JAK1: variants seen among roughly 807,000 people sequenced by gnomAD.
JAK1 encodes the protein Janus kinase 1, also known as tyrosine-protein kinase JAK1.
Under a neutral mutation model 136.6 loss-of-function variants are expected in JAK1, and 16 were observed. That is an observed-to-expected ratio of 0.12 (90% CI 0.08 to 0.18). The LOEUF is 0.18. Ranked by LOEUF, JAK1 falls within the 10% of genes least tolerant of loss-of-function variation. JAK1 has a pLI of 1.00. For missense variants in JAK1, 859 were observed against 1,450.1 expected (o/e 0.59, Z 6.62); for synonymous variants, 492 against 519.5 (o/e 0.95, Z 0.72).
At position 64,940,134 on chromosome 1, in the gene JAK1, A is replaced by G. The variant is rs182644647; in HGVS notation, c.-78+26199T>C. On this transcript the variant is annotated intron_variant, in intron 1 of 24. Transcript: ENST00000342505. Reference sequence around the variant, plus strand: ...GGCATACTGATAGCTTCAAGGAGAGAAAACCGGTAAGTTGACAGAAAAACA... The same window carrying G: ...GGCATACTGATAGCTTCAAGGAGAGGAAACCGGTAAGTTGACAGAAAAACA... Among the ~76,000 whole-genome samples, 10 of 152,264 alleles carry G rather than the reference A, an allele frequency of 6.6e-5. No homozygotes were observed. In the East Asian group the frequency reaches 1.9e-3, roughly 29 times the overall value.
intron 2 of JAK1, among the ~76,000 whole-genome samples, chr1:64,976,750 C>T (rs1646500409): frequency 6.6e-6 from 1 of 152,190 alleles, no homozygotes; most frequent in African/African-American, 2.4e-5. Flanking sequence ...TCCATCCTAA[C>T]ATGCCCCTTC....
intron 22 of JAK1, among the ~76,000 whole-genome samples, 153 bp from the exon 23 acceptor site, chr1:64,836,368 G>A (rs1489701580): frequency 1.3e-5 from 2 of 151,908 alleles, no homozygotes; most frequent in African/African-American, 2.4e-5. Context: ...CCATGTATAC[G>A]CTGCTATGGT....
At chr1:65,017,821 T>A (rs1449335496) in intron 2 of JAK1, among the ~76,000 whole-genome samples, 3 of 147,004 alleles carry the variant, frequency 2.0e-5, no homozygotes, top group Non-Finnish European at 4.5e-5. Context: ...AACTCTGCCT[T>A]TTTTTTTTTT....
chr1:64,989,663 C>T (rs1646636979), intron 2 of JAK1: 3 of 152,158 alleles, frequency 2.0e-5, no homozygotes, highest in African/African-American at 7.2e-5. Flanking sequence ...GGTAGAAGAA[C>T]AAGGCCTGAG....
At chr1:64,840,192 G>A (rs907399695) in intron 19 of JAK1, among the ~76,000 whole-genome samples, 8 of 152,200 alleles carry the variant, frequency 5.3e-5, no homozygotes, top group East Asian at 3.9e-4. Context: ...TTTAGAAGAC[G>A]TGAGATCAGG....
intron 12 of JAK1, 149 bp from the exon 13 acceptor site, chr1:64,847,824 TC>T: frequency 1.2e-6 from 1 of 834,196 alleles, no homozygotes. Context: ...TCCCCAGGCC[TC>T]CAGAGAAAAC....
chr1:64,857,605 C>G, intron 10 of JAK1, 51 bp downstream of exon 10: 5 of 1,609,418 alleles, frequency 3.1e-6, no homozygotes, highest in Non-Finnish European at 4.2e-6. Flanking sequence ...CCAGGCTACA[C>G]TGGACACCTC....
At chr1:64,944,443 T>G (rs1012593130) in intron 1 of JAK1, among the ~76,000 whole-genome samples, 6 of 152,102 alleles carry the variant, frequency 3.9e-5, no homozygotes, top group African/African-American at 7.2e-5. Flanking sequence ...AAGTTCTAAT[T>G]CCTGTATGTT....
intron 21 of JAK1, 149 bp from the exon 22 acceptor site, chr1:64,838,253 A>G (rs1204749815): frequency 2.3e-5 from 22 of 947,818 alleles, no homozygotes; most frequent in South Asian, 1.8e-5. Flanking sequence ...GAATATTAAG[A>G]ACAAACTGAT....
At chr1:64,990,717 T>C (rs539766246) in intron 2 of JAK1, 331 of 148,426 alleles carry the variant, frequency 2.2e-3, no homozygotes, top group African/African-American at 7.8e-3. Context: ...AGATCAGGAG[T>C]TCGAAATCAG....
chr1:65,066,226 C>A (rs909503787), intron 1 of JAK1, among the ~76,000 whole-genome samples: 1 of 152,148 alleles, frequency 6.6e-6, no homozygotes, highest in Non-Finnish European at 1.5e-5. Flanking sequence ...CACAGGAAGG[C>A]AGGGAGAAGC....
Position 65,052,861 on chromosome 1 carries a change from CA to C in JAK1, c.-180-8280del, listed in dbSNP as rs35560095. ...TGGGTGTCAGAGCGAGACTCCATCTCAAAAAAAAAAAAAAAAAAAATTAGCC... is the reference window on the plus strand; with the variant it reads ...TGGGTGTCAGAGCGAGACTCCATCTCAAAAAAAAAAAAAAAAAAATTAGCC... On this transcript the variant is annotated intron_variant, in intron 1 of 25. Coordinates refer to the JAK1 transcript ENST00000671954. 5.0e-3 allele frequency among the ~76,000 whole-genome samples: 446 copies of C among 88,640 alleles called. 4 individuals are homozygous for C. The highest frequency in any genetic ancestry group is 0.02 in the African/African-American group (409 of 20,068). 58.2% of individuals were successfully genotyped at this position (88,640 alleles called of 152,430 possible).
chr1:65,000,940 G>A (rs1646750766), intron 2 of JAK1, among the ~76,000 whole-genome samples: 1 of 151,698 alleles, frequency 6.6e-6, no homozygotes, highest in South Asian at 2.1e-4. Context: ...GGAGTGCGGT[G>A]GCGCCATGGA....
At chr1:64,846,513 T>C in intron 14 of JAK1, 136 bp downstream of exon 14, 1 of 653,294 alleles carries the variant, frequency 1.5e-6, no homozygotes, top group South Asian at 1.7e-5. Flanking sequence ...ACCTGCTCAG[T>C]CCCTCAATCT....
intron 2 of JAK1, among the ~76,000 whole-genome samples, chr1:64,998,967 C>T (rs1646728537): frequency 6.6e-6 from 1 of 152,226 alleles, no homozygotes. Flanking sequence ...ACAATAACTA[C>T]AGCACTTAAG....
At chr1:64,913,705 A>AAGGGAGGAAAGAAGGGAGGG (rs1553168171) in intron 1 of JAK1, among the ~76,000 whole-genome samples, 9 of 35,718 alleles carry the variant, frequency 2.5e-4, no homozygotes. Flanking sequence ...GGAAGGAAAG[A>AAGGGAGGAAAGAAGGGAGGG]AGGGAGGGAG....
At chr1:64,994,963 C>CAAAAAAAAAAAAAA (rs34914540) in intron 2 of JAK1, 1 of 118,614 alleles carries the variant, frequency 8.4e-6, no homozygotes, top group African/African-American at 3.2e-5. Flanking sequence ...TCCTAAACTG[C>CAAAAAAAAAAAAAA]AAAAAAAAAA....
chr1:64,979,024 A>T (rs1326405921), intron 2 of JAK1, among the ~76,000 whole-genome samples: 1 of 152,196 alleles, frequency 6.6e-6, no homozygotes, highest in East Asian at 1.9e-4. Context: ...GAAATCATGT[A>T]TGCATTTGAC....
At chr1:64,997,694 T>C (rs1646715803) in intron 2 of JAK1, among the ~76,000 whole-genome samples, 1 of 152,098 alleles carries the variant, frequency 6.6e-6, no homozygotes, top group African/African-American at 2.4e-5. Flanking sequence ...CAGAGAATGG[T>C]GGTATGAGTG....
Sources: allele counts gnomAD v4.1 joint callset (sites outside exome capture counted in the v4.1 genomes callset), GRCh38; gene constraint gnomAD v4.1.1; transcripts MANE v1.5; gene names NCBI Gene and HGNC (gene_info 2026-07-23, HGNC 2026-07-21).